Variants in CDYL2 observed in about 807,000 individuals in gnomAD.
The protein encoded by CDYL2 is chromodomain Y like 2, also known as chromodomain Y-like protein 2.
In CDYL2, 23 loss-of-function variants were observed where a neutral mutation model predicts 49.4. The observed-to-expected ratio is 0.47, with a 90% CI of 0.34 to 0.66. The LOEUF is 0.66. CDYL2 is among the 30% of genes least tolerant of loss of function. The pLI, the probability that CDYL2 is intolerant of heterozygous loss-of-function variation, is 0.01. For missense variants in CDYL2, 678 were observed against 656.4 expected (o/e 1.03, Z -0.36); for synonymous variants, 360 against 268.8 (o/e 1.34, Z -3.32).
chr16:80,753,997 G>A (rs1174621407), intron 1 of CDYL2, among the ~76,000 whole-genome samples: 1 of 152,204 alleles, frequency 6.6e-6, no homozygotes, highest in Admixed American at 6.5e-5. Flanking sequence ...GCTGCAAAAT[G>A]ATGGAAGCAT....
At chr16:80,742,523 TA>T (rs1471989198) in intron 1 of CDYL2, among the ~76,000 whole-genome samples, 1 of 148,286 alleles carries the variant, frequency 6.7e-6, no homozygotes, top group Non-Finnish European at 1.5e-5. Context: ...AACGAATGAA[TA>T]GATGGATGAA....
chr16:80,724,080 A>T (rs1339830308), intron 1 of CDYL2, among the ~76,000 whole-genome samples: 1 of 150,458 alleles, frequency 6.6e-6, no homozygotes, highest in Non-Finnish European at 1.5e-5. Flanking sequence ...GAAGAGGAGG[A>T]AAAGAGGAGA....
chr16:80,690,143 AAT>A (rs1398789292), intron 1 of CDYL2, among the ~76,000 whole-genome samples: 1 of 150,906 alleles, frequency 6.6e-6, no homozygotes, highest in African/African-American at 2.5e-5. Context: ...AAAATAAAAA[AAT>A]AAATAGAAAT....
At chr16:80,716,678 G>A (rs1302738598) in intron 1 of CDYL2, among the ~76,000 whole-genome samples, 2 of 151,364 alleles carry the variant, frequency 1.3e-5, no homozygotes, top group African/African-American at 2.4e-5. Flanking sequence ...ATGATTGGAT[G>A]GATAACAGAG....
chr16:80,600,902 CT>C lies in CDYL2; in HGVS notation c.*3485del, dbSNP rs1906053672. The C allele has an allele frequency of 6.6e-6, 1 of 152,184 alleles. No homozygotes were observed. Among genetic ancestry groups the C allele is most frequent in the Admixed American group, 6.5e-5 (1 of 15,280 alleles). 9.4% of individuals were successfully genotyped at this position (152,184 alleles called of 1,614,324 possible). Reference sequence around the variant, plus strand: ...GAGATACAGTTGCATTGTTCAAAGTCTACTGTGATTATTATTTTTCCATCCT... The same window carrying C: ...GAGATACAGTTGCATTGTTCAAAGTCACTGTGATTATTATTTTTCCATCCT... On this transcript the variant is annotated 3_prime_UTR_variant, in exon 7 of 7. Transcript: ENST00000570137.
intron 1 of CDYL2, among the ~76,000 whole-genome samples, chr16:80,780,022 CTA>C (rs1907212382): frequency 6.6e-6 from 1 of 152,016 alleles, no homozygotes; most frequent in South Asian, 2.1e-4. Flanking sequence ...ACATGAACAC[CTA>C]TGACTGTATC....
chr16:80,629,393 C>T (rs1414992758), intron 3 of CDYL2, among the ~76,000 whole-genome samples: 1 of 152,164 alleles, frequency 6.6e-6, no homozygotes, highest in African/African-American at 2.4e-5. Flanking sequence ...AAAGGTGAAC[C>T]GGCCTTGAGA....
chr16:80,682,765 C>T (rs1352501828), intron 2 of CDYL2, among the ~76,000 whole-genome samples: 2 of 152,172 alleles, frequency 1.3e-5, no homozygotes, highest in East Asian at 1.9e-4. Context: ...CGCCAGCAGC[C>T]GTCACAGCAA....
At chr16:80,756,269 C>T (rs551649269) in intron 1 of CDYL2, among the ~76,000 whole-genome samples, 31 of 152,162 alleles carry the variant, frequency 2.0e-4, no homozygotes, top group African/African-American at 7.5e-4. Flanking sequence ...CAACTCAATT[C>T]TCTGAAAAAC....
chr16:80,675,253 G>C (rs1042362107), intron 2 of CDYL2, among the ~76,000 whole-genome samples: 6 of 152,124 alleles, frequency 3.9e-5, no homozygotes, highest in African/African-American at 1.4e-4. Flanking sequence ...AGCATCCCCA[G>C]ACCCGGCACC....
chr16:80,710,448 G>A (rs866970311), intron 1 of CDYL2, among the ~76,000 whole-genome samples: 5 of 152,156 alleles, frequency 3.3e-5, no homozygotes, highest in Admixed American at 1.3e-4. Flanking sequence ...TAAGAAAACA[G>A]AAAGATGATG....
intron 3 of CDYL2, among the ~76,000 whole-genome samples, chr16:80,628,948 G>C (rs938902142): frequency 6.6e-6 from 1 of 152,194 alleles, no homozygotes; most frequent in Non-Finnish European, 1.5e-5. Context: ...CCTGAAGGAA[G>C]AGCAAGAGTG....
chr16:80,789,899 G>A (rs1365215217), intron 1 of CDYL2, among the ~76,000 whole-genome samples: 2 of 152,132 alleles, frequency 1.3e-5, no homozygotes, highest in African/African-American at 2.4e-5. Flanking sequence ...AACAGACACT[G>A]GGGACTCCAA....
intron 1 of CDYL2, among the ~76,000 whole-genome samples, chr16:80,752,380 T>A (rs948228591): frequency 6.6e-6 from 1 of 151,832 alleles, no homozygotes; most frequent in Admixed American, 6.6e-5. Flanking sequence ...AAAAAAACAA[T>A]TACCAAGAAT....
intron 1 of CDYL2, among the ~76,000 whole-genome samples, chr16:80,756,501 A>C (rs916713400): frequency 6.6e-6 from 1 of 152,160 alleles, no homozygotes; most frequent in Non-Finnish European, 1.5e-5. Flanking sequence ...TTTTGGGTAA[A>C]TACAAATGAA....
intron 1 of CDYL2, among the ~76,000 whole-genome samples, chr16:80,723,973 G>A (rs576720385): frequency 2.1e-5 from 3 of 142,546 alleles, no homozygotes; most frequent in Non-Finnish European, 4.6e-5. Flanking sequence ...AGAGGAGGGA[G>A]AGAGAGGAAG....
intron 1 of CDYL2, among the ~76,000 whole-genome samples, chr16:80,799,375 A>G (rs1907858558): frequency 6.6e-6 from 1 of 152,168 alleles, no homozygotes; most frequent in African/African-American, 2.4e-5. Context: ...ACCGTAAAAT[A>G]CTTGTTTTCT....
At chr16:80,791,123 A>C (rs1482775022) in intron 1 of CDYL2, among the ~76,000 whole-genome samples, 2 of 152,332 alleles carry the variant, frequency 1.3e-5, no homozygotes, top group Admixed American at 6.5e-5. Context: ...GCAATCCTCT[A>C]AATACAAGAT....
Position 80,717,149 on chromosome 16 carries a change from AGATGGATG to A in CDYL2, c.25-32028_25-32021del, listed in dbSNP as rs200642445. On this transcript the variant is annotated intron_variant, in intron 1 of 6. Transcript: ENST00000570137. ...GAATGGATGGGTGGACTGGATCGAT[AGATGGATG>A]GATGGATGGATGGATGGATGGATGG... Among the ~76,000 whole-genome samples, 507 of 138,022 alleles carry A rather than the reference AGATGGATG, an allele frequency of 3.7e-3. 5 individuals carry two copies. The highest frequency in any genetic ancestry group is 0.012 in the African/African-American group (451 of 36,628). 90.5% of individuals were successfully genotyped at this position (138,022 alleles called of 152,430 possible). A position where few individuals can be genotyped will look rare whatever the true frequency, so the allele number is the denominator to read the frequency against.
Sources: allele counts gnomAD v4.1 joint callset (sites outside exome capture counted in the v4.1 genomes callset), GRCh38; gene constraint gnomAD v4.1.1; transcripts MANE v1.5; gene names NCBI Gene and HGNC (gene_info 2026-07-23, HGNC 2026-07-21).